The following DSCAML1 variants were observed in gnomAD, a reference collection of about 807,000 sequenced individuals.
DSCAML1 encodes the protein cell adhesion molecule DSCAML1.
Under a neutral mutation model 200.5 loss-of-function variants are expected in DSCAML1, and 38 were observed. The observed-to-expected ratio is 0.19, with a 90% CI of 0.15 to 0.25. The LOEUF (loss-of-function observed/expected upper bound fraction) is 0.25, where lower values mean the gene tolerates loss of function less well. Among genes scored for constraint, DSCAML1 ranks in the 10% least tolerant of loss-of-function variants. The pLI is 1.00. For missense variants in DSCAML1, 2,223 were observed against 2,858.8 expected, an observed-to-expected ratio of 0.78 and a Z score of 5.07; for synonymous variants, 1,215 against 1,165.0, an observed-to-expected ratio of 1.04 and a Z score of -0.87.
intron 11 of DSCAML1, among the ~76,000 whole-genome samples, chr11:117,492,045 T>C (rs2049191762): frequency 6.6e-6 from 1 of 152,102 alleles, no homozygotes; most frequent in South Asian, 2.1e-4. Context: ...TTAAAAAATA[T>C]TACACAGATC....
At chr11:117,447,417 CA>C (rs2048202317) in intron 20 of DSCAML1, among the ~76,000 whole-genome samples, 1 of 152,164 alleles carries the variant, frequency 6.6e-6, no homozygotes, top group Non-Finnish European at 1.5e-5. Context: ...TGAAACACCT[CA>C]AAACCTGTAC....
chr11:117,520,980 A>C (rs1592693489), intron 6 of DSCAML1, 150 bp downstream of exon 6: 1 of 1,046,668 alleles, frequency 9.6e-7, no homozygotes, highest in East Asian at 2.4e-5. Flanking sequence ...GGGCTTCCAC[A>C]CAGGGCCCTT....
At chr11:117,669,804 A>T (rs1212586736) in intron 3 of DSCAML1, among the ~76,000 whole-genome samples, 1 of 152,230 alleles carries the variant, frequency 6.6e-6, no homozygotes, top group Non-Finnish European at 1.5e-5. Flanking sequence ...GCCCTGGGGC[A>T]GGGGCGGATG....
At chr11:117,528,231 G>A (rs148612978) in intron 4 of DSCAML1, among the ~76,000 whole-genome samples, 2 of 152,162 alleles carry the variant, frequency 1.3e-5, no homozygotes, top group South Asian at 2.1e-4. Context: ...ATTACTCAAT[G>A]TGACACTTAA....
chr11:117,455,239 C>T (rs2048349876), intron 19 of DSCAML1, among the ~76,000 whole-genome samples: 1 of 152,242 alleles, frequency 6.6e-6, no homozygotes, highest in Admixed American at 6.5e-5. Context: ...TGGTATGTTT[C>T]TCTGAACTTG....
chr11:117,693,433 T>C (rs2053532800), intron 3 of DSCAML1, among the ~76,000 whole-genome samples: 1 of 152,220 alleles, frequency 6.6e-6, no homozygotes, highest in Non-Finnish European at 1.5e-5. Flanking sequence ...ACATGCCTTC[T>C]GGGTTTTACT....
intron 3 of DSCAML1, among the ~76,000 whole-genome samples, chr11:117,749,163 C>T (rs2054562525): frequency 6.6e-6 from 1 of 152,214 alleles, no homozygotes; most frequent in Non-Finnish European, 1.5e-5. Context: ...CCAGCCCCCT[C>T]TGCCCTGGTT....
intron 3 of DSCAML1, among the ~76,000 whole-genome samples, 189 bp downstream of exon 3, chr11:117,776,602 G>A (rs1197666418): frequency 6.6e-6 from 1 of 151,916 alleles, no homozygotes; most frequent in African/African-American, 2.4e-5. Flanking sequence ...ACCCCACAGA[G>A]AGACGTGCCA....
intron 8 of DSCAML1, among the ~76,000 whole-genome samples, chr11:117,507,510 T>C (rs956401356): frequency 2.6e-5 from 4 of 152,154 alleles, no homozygotes; most frequent in African/African-American, 9.7e-5. Flanking sequence ...CTGGGAGAGT[T>C]CTTGATCAGG....
At chr11:117,481,561 GTCCCAGGGGAGTAGGAGGGGCTGA>G (rs2048918478) in intron 12 of DSCAML1, among the ~76,000 whole-genome samples, 1 of 117,630 alleles carries the variant, frequency 8.5e-6, no homozygotes, top group African/African-American at 3.2e-5. Context: ...GGCTGAGGGG[GTCCCAGGGGAGTAGGAGGGGCTGA>G]GGGGGGGGTC....
intron 3 of DSCAML1, among the ~76,000 whole-genome samples, chr11:117,741,793 C>T (rs1591460896): frequency 6.6e-6 from 1 of 152,204 alleles, no homozygotes; most frequent in Admixed American, 6.5e-5. Flanking sequence ...CTCAGCATCA[C>T]TAGGAGGCCT....
At chr11:117,610,840 A>AT (rs1392416342) in intron 3 of DSCAML1, among the ~76,000 whole-genome samples, 1 of 112,552 alleles carries the variant, frequency 8.9e-6, no homozygotes, top group African/African-American at 3.3e-5. Context: ...AACCAAAACA[A>AT]CCCCCCCCCC....
chr11:117,524,703 G>T, intron 5 of DSCAML1, 102 bp downstream of exon 5: 1 of 1,391,638 alleles, frequency 7.2e-7, no homozygotes, highest in Non-Finnish European at 9.7e-7. Context: ...TATTCCCAGG[G>T]CCTGGTCAGA....
intron 3 of DSCAML1, among the ~76,000 whole-genome samples, chr11:117,604,660 C>T (rs1003287213): frequency 2.0e-5 from 3 of 152,250 alleles, no homozygotes; most frequent in African/African-American, 4.8e-5. Context: ...TCTTTCCCCT[C>T]GTTGAATCTT....
intron 3 of DSCAML1, among the ~76,000 whole-genome samples, chr11:117,590,476 C>T (rs1200582981): frequency 2.0e-5 from 3 of 152,170 alleles, no homozygotes; most frequent in Admixed American, 1.3e-4. Flanking sequence ...AAAGCAGCAG[C>T]CAGACACCTG....
intron 4 of DSCAML1, among the ~76,000 whole-genome samples, chr11:117,529,713 G>A (rs535509890): frequency 6.6e-6 from 1 of 151,970 alleles, no homozygotes; most frequent in South Asian, 2.1e-4. Flanking sequence ...AGCTCTCGGG[G>A]GTCCTGGCCT....
At chr11:117,769,256 TATATATTTTATATATTTATATA>T (rs1206575758) in intron 3 of DSCAML1, among the ~76,000 whole-genome samples, 4 of 7,676 alleles carry the variant, frequency 5.2e-4, no homozygotes, top group East Asian at 0.036. Context: ...ATGTATATAT[TATATATTTTATATATTTATATA>T]TTATATATTT....
intron 3 of DSCAML1, among the ~76,000 whole-genome samples, chr11:117,638,119 G>T (rs542677564): frequency 6.6e-6 from 1 of 152,138 alleles, no homozygotes; most frequent in African/African-American, 2.4e-5. Context: ...ATGTGTTCTG[G>T]GTGGCTCCAG....
chr11:117,723,685 T>C (rs1462585226), intron 3 of DSCAML1, among the ~76,000 whole-genome samples: 1 of 152,194 alleles, frequency 6.6e-6, no homozygotes, highest in Admixed American at 6.5e-5. Flanking sequence ...AGCAGTCCCC[T>C]GTTTTTCCCC....
Sources: allele counts gnomAD v4.1 joint callset (sites outside exome capture counted in the v4.1 genomes callset), GRCh38; gene constraint gnomAD v4.1.1; transcripts MANE v1.5; gene names NCBI Gene and HGNC (gene_info 2026-07-23, HGNC 2026-07-21).